The following PHF14 variants were observed in gnomAD, a reference collection of about 807,000 sequenced individuals.
The protein encoded by PHF14 is PHD finger protein 14.
Under a neutral mutation model 117.9 loss-of-function variants are expected in PHF14, and 55 were observed. The observed-to-expected ratio is 0.47, with a 90% CI of 0.38 to 0.58. The LOEUF is 0.58. Among genes scored for constraint, PHF14 ranks in the 20% least tolerant of loss-of-function variants. The pLI is 0.00. For missense variants in PHF14, 978 were observed against 1,122.2 expected (o/e 0.87, Z 1.84); for synonymous variants, 409 against 368.6 (o/e 1.11, Z -1.26).
intron 17 of PHF14, among the ~76,000 whole-genome samples, chr7:11,167,927 G>T (rs979596884): frequency 6.6e-6 from 1 of 151,612 alleles, no homozygotes; most frequent in African/African-American, 2.4e-5. Flanking sequence ...TCGGGAGGCT[G>T]AGGCAGGAGA....
chr7:11,148,170 C>T (rs1192501345), intron 17 of PHF14, among the ~76,000 whole-genome samples: 1 of 152,092 alleles, frequency 6.6e-6, no homozygotes, highest in Non-Finnish European at 1.5e-5. Context: ...GTGTTCTTTC[C>T]TAATTTCTAC....
At chr7:11,004,396 T>C (rs1317796874) in intron 4 of PHF14, among the ~76,000 whole-genome samples, 8 of 147,814 alleles carry the variant, frequency 5.4e-5, no homozygotes, top group Admixed American at 4.1e-4. Flanking sequence ...TACACAAATA[T>C]ATATTTTTAA....
intron 17 of PHF14, among the ~76,000 whole-genome samples, chr7:11,136,043 A>G (rs1378783341): frequency 3.9e-5 from 6 of 152,196 alleles, no homozygotes; most frequent in Non-Finnish European, 5.9e-5. Flanking sequence ...TTTGGTATAC[A>G]TAAGTAACAT....
chr7:11,106,160 T>A, intron 16 of PHF14: 1 of 981,900 alleles, frequency 1.0e-6, no homozygotes, highest in Non-Finnish European at 1.2e-6. Context: ...ACATTTAATC[T>A]TGTAATCTGG....
intron 17 of PHF14, among the ~76,000 whole-genome samples, chr7:11,153,392 A>AG (rs1313464347): frequency 6.6e-6 from 1 of 152,036 alleles, no homozygotes; most frequent in Admixed American, 6.6e-5. Context: ...AGTCTTTTTT[A>AG]GTGGGGGTAG....
chr7:11,169,459 T>C lies in PHF14; in HGVS notation c.2816T>C (p.Leu939Pro). 2.0e-6 allele frequency: 3 copies of C among 1,526,996 alleles called. No homozygotes were observed. The highest frequency in any genetic ancestry group is 2.7e-6 in the Non-Finnish European group (3 of 1,127,800). 94.6% of individuals were successfully genotyped at this position (1,526,996 alleles called of 1,614,324 possible). ...GAAAGAAAAAATATATCTCAGGAGC[T>C]CAACATGGAACAGAAAAATCCAAAG... ...EAERKNISQE[L>P]NMEQKNPKK The change falls in exon 18 of 18, where the codon CTC (leucine) becomes CCC (proline). Residue 939 changes from leucine (L) to proline (P), a missense_variant. Physicochemically the swap from Leu to Pro is moderately conservative, Grantham distance 98 (BLOSUM62 -3). Coordinates refer to ENST00000634607, the MANE Select transcript of PHF14 (RefSeq NM_001007157.2).
At chr7:10,980,457 G>A (rs1032594438) in intron 2 of PHF14, among the ~76,000 whole-genome samples, 7 of 151,968 alleles carry the variant, frequency 4.6e-5, no homozygotes, top group South Asian at 2.1e-4. Flanking sequence ...TACTATTATT[G>A]TTATTTTTAC....
At chr7:11,138,255 A>G (rs1788295090) in intron 17 of PHF14, among the ~76,000 whole-genome samples, 1 of 151,472 alleles carries the variant, frequency 6.6e-6, no homozygotes, top group Admixed American at 6.6e-5. Flanking sequence ...GTTAGCCAGG[A>G]TGGTCTCGAT....
intron 17 of PHF14, among the ~76,000 whole-genome samples, chr7:11,156,624 T>G (rs1170151250): frequency 1.3e-5 from 2 of 152,044 alleles, no homozygotes; most frequent in Non-Finnish European, 2.9e-5. Flanking sequence ...TGAAACCCTA[T>G]CTCTACTAAA....
chr7:11,028,813 G>A lies in PHF14; in HGVS notation c.1450G>A (p.Glu484Lys). The change falls in exon 7 of 18, where the codon GAA becomes AAA. Residue 484 changes from glutamate (E) to lysine (K), a missense_variant. Around this residue, in one of 7 missense-constraint regions of PHF14, gnomAD observed 23 missense variants for 66.8 expected, o/e 0.34. Transcript: ENST00000634607. ...KEGLLSEAAA[E>K]EDIADPFFAY... ...AGGTCTGCTTTCAGAGGCAGCGGCG[G>A]AAGAGGTAGGTTTATTTAAACCCAT... 6.2e-7 allele frequency: 1 copy of A among 1,613,578 alleles called. No homozygotes were observed. Among genetic ancestry groups the A allele is most frequent in the Non-Finnish European group, 8.5e-7 (1 of 1,179,626 alleles).
rs1389811645 is a variant in PHF14 at position 11,059,984 on chromosome 7, C to T, written c.2482-1807C>T. Among the ~76,000 whole-genome samples the T allele has an allele frequency of 2.6e-5, 4 of 152,106 alleles. No homozygotes were observed. In the East Asian group the frequency reaches 7.7e-4, roughly 29 times the overall value. ...CTCCTGGGCTCAAGTTATCTTCCCACCACAGCCTCCTGAGTAGCTGGGACT... is the reference window on the plus strand; with the variant it reads ...CTCCTGGGCTCAAGTTATCTTCCCATCACAGCCTCCTGAGTAGCTGGGACT... On this transcript the variant is annotated intron_variant, in intron 14 of 17. Coordinates refer to ENST00000634607, the MANE Select transcript of PHF14 (RefSeq NM_001007157.2).
At chr7:10,979,036 G>A (rs1781966911) in intron 2 of PHF14, among the ~76,000 whole-genome samples, 4 of 152,098 alleles carry the variant, frequency 2.6e-5, no homozygotes, top group Admixed American at 2.6e-4. Flanking sequence ...TGTTGTACCA[G>A]ATCAATGAAC....
chr7:10,974,138 G>T lies in PHF14; in HGVS notation c.-186G>T, dbSNP rs558511219. 9 of 600,374 alleles carry T rather than the reference G, an allele frequency of 1.5e-5. No individual in the cohort carries two copies. The highest frequency in any genetic ancestry group is 2.4e-5 in the Non-Finnish European group (8 of 334,294). The allele number at this position is 600,374 out of a possible 1,614,324, so 37.2% of individuals were successfully genotyped here. Reference sequence around the variant, plus strand: ...AGCGGCCAGGGCCAGGCGAGGCCGGGGGGGCGGGGGGTTAGGGGACCGCGG... The same window carrying T: ...AGCGGCCAGGGCCAGGCGAGGCCGGTGGGGCGGGGGGTTAGGGGACCGCGG... On this transcript the variant is annotated 5_prime_UTR_variant, in exon 1 of 18. Coordinates refer to ENST00000634607, the MANE Select transcript of PHF14 (RefSeq NM_001007157.2).
At chr7:11,122,019 C>T (rs569056569) in intron 17 of PHF14, among the ~76,000 whole-genome samples, 2 of 151,424 alleles carry the variant, frequency 1.3e-5, no homozygotes, top group Non-Finnish European at 2.9e-5. Context: ...CCTTGCCCTA[C>T]CCCCCGACAG....
At chr7:11,125,728 C>CTT (rs1177124033) in intron 17 of PHF14, among the ~76,000 whole-genome samples, 1 of 151,964 alleles carries the variant, frequency 6.6e-6, no homozygotes, top group Non-Finnish European at 1.5e-5. Context: ...ATATTGTTCT[C>CTT]TTTTTTTCCT....
intron 13 of PHF14, among the ~76,000 whole-genome samples, chr7:11,049,342 G>T (rs1200750630): frequency 6.6e-6 from 1 of 151,952 alleles, no homozygotes; most frequent in East Asian, 1.9e-4. Context: ...GTGCGTGGTG[G>T]CACACACCTG....
chr7:11,089,290 A>G (rs1042318448), intron 16 of PHF14, among the ~76,000 whole-genome samples: 1 of 152,250 alleles, frequency 6.6e-6, no homozygotes, highest in Non-Finnish European at 1.5e-5. Context: ...AGTATACTAA[A>G]TAAGGTGTAA....
intron 16 of PHF14, chr7:11,104,464 G>T: frequency 1.0e-6 from 1 of 977,504 alleles, no homozygotes; most frequent in Non-Finnish European, 1.2e-6. Flanking sequence ...ACTATAAGGA[G>T]AAAATTGATG....
chr7:11,074,078 G>A (rs1395289546), intron 16 of PHF14, among the ~76,000 whole-genome samples: 5 of 152,118 alleles, frequency 3.3e-5, no homozygotes, highest in African/African-American at 7.2e-5. Context: ...TCCAAAATGC[G>A]TTCAATGCCT....
Sources: gnomAD v4.1 joint callset for allele counts (sites outside exome capture counted in the v4.1 genomes callset) on GRCh38, gnomAD v4.1.1 for gene constraint, gnomAD v4.1.1 regional missense constraint, MANE v1.5 for transcripts, NCBI Gene and HGNC (gene_info 2026-07-23, HGNC 2026-07-21) for gene names.